Variants in LRRC4C observed in about 807,000 individuals in gnomAD.
LRRC4C encodes the protein leucine rich repeat containing 4C, also known as leucine-rich repeat-containing protein 4C.
LRRC4C carries 5 observed loss-of-function variants against 33.6 expected under a neutral mutation model. The observed-to-expected ratio is 0.15, with a 90% CI of 0.08 to 0.31. The LOEUF (loss-of-function observed/expected upper bound fraction) is 0.31. Ranked by LOEUF, LRRC4C falls within the 10% of genes least tolerant of loss-of-function variation. The pLI, the probability that LRRC4C is intolerant of heterozygous loss-of-function variation, is 1.00. For synonymous variants in LRRC4C, 329 were observed against 302.0 expected (o/e 1.09, Z -0.93); for missense variants, 560 against 796.7 (o/e 0.70, Z 3.58).
intron 5 of LRRC4C, among the ~76,000 whole-genome samples, chr11:40,143,369 G>C (rs1013712908): frequency 1.3e-5 from 2 of 152,036 alleles, no homozygotes; most frequent in South Asian, 4.2e-4. Context: ...AGTCCTAATG[G>C]CCAGTCATAA....
At chr11:41,410,467 A>G (rs1287037333) in intron 1 of LRRC4C, among the ~76,000 whole-genome samples, 1 of 144,568 alleles carries the variant, frequency 6.9e-6, no homozygotes, top group Non-Finnish European at 1.5e-5. Flanking sequence ...GCTGGAGTGC[A>G]GTGGCGCTAT....
chr11:41,417,696 G>T (rs1954734663), intron 1 of LRRC4C, among the ~76,000 whole-genome samples: 1 of 151,726 alleles, frequency 6.6e-6, no homozygotes, highest in African/African-American at 2.4e-5. Flanking sequence ...CCAACATCCA[G>T]CTCCCTTAAT....
chr11:40,393,396 A>T (rs956668791), intron 3 of LRRC4C, among the ~76,000 whole-genome samples: 2 of 152,188 alleles, frequency 1.3e-5, no homozygotes, highest in Non-Finnish European at 2.9e-5. Flanking sequence ...GAGACCCTGA[A>T]GATTTATGAG....
chr11:40,853,744 G>A lies in LRRC4C; in HGVS notation c.-407+79891C>T, dbSNP rs1406045706. On this transcript the variant is annotated intron_variant, in intron 2 of 6. Transcript: ENST00000528697. ...GGCAATGATTAGAGGACTGAACAGG[G>A]TGAACTGTGTTATGGAGGGAAGGAA... is the stretch of plus-strand genomic sequence containing the variant. Among the ~76,000 whole-genome samples the A allele has an allele frequency of 2.0e-5, 3 of 152,124 alleles. No individual in the cohort carries two copies. The East Asian group carries it at 5.8e-4, about 29-fold the overall frequency.
intron 2 of LRRC4C, among the ~76,000 whole-genome samples, chr11:40,771,917 G>A (rs1949772329): frequency 6.6e-6 from 1 of 152,098 alleles, no homozygotes; most frequent in African/African-American, 2.4e-5. Context: ...TAAGTCCAAA[G>A]GGAGTTCCAA....
At chr11:40,903,781 G>A (rs894303412) in intron 2 of LRRC4C, among the ~76,000 whole-genome samples, 4 of 152,064 alleles carry the variant, frequency 2.6e-5, no homozygotes, top group Non-Finnish European at 5.9e-5. Flanking sequence ...TAATTTAGTT[G>A]TATCTTTTAA....
Position 41,160,917 on chromosome 11 carries a change from C to G in LRRC4C, c.-495-227194G>C, listed in dbSNP as rs186112361. On this transcript the variant is annotated intron_variant, in intron 1 of 6. Coordinates refer to ENST00000528697, the MANE Select transcript of LRRC4C (RefSeq NM_001258419.2). ...TGTTTTCTTTTTCAGAAAGAATCAA[C>G]ACAATCCACTAATTGAGATAAAAGA... is the stretch of plus-strand genomic sequence containing the variant. Among the ~76,000 whole-genome samples, 504 of 152,226 alleles carry G rather than the reference C, an allele frequency of 3.3e-3. 1 individual carries two copies. Among genetic ancestry groups the G allele is most frequent in the Non-Finnish European group, 5.4e-3 (366 of 67,992 alleles).
intron 1 of LRRC4C, among the ~76,000 whole-genome samples, chr11:41,125,101 C>T (rs1942671728): frequency 1.3e-5 from 2 of 152,078 alleles, no homozygotes. Context: ...TATAGCCCCA[C>T]CCAGAATTGC....
chr11:40,955,997 T>C (rs1958938264), intron 1 of LRRC4C, among the ~76,000 whole-genome samples: 1 of 151,838 alleles, frequency 6.6e-6, no homozygotes, highest in Non-Finnish European at 1.5e-5. Flanking sequence ...CAAGGTCATA[T>C]TGACAGAGCC....
intron 2 of LRRC4C, among the ~76,000 whole-genome samples, chr11:40,895,160 T>C (rs895996134): frequency 6.6e-6 from 1 of 152,114 alleles, no homozygotes; most frequent in Non-Finnish European, 1.5e-5. Flanking sequence ...TTGACAGAAA[T>C]GCTAGAAATG....
chr11:41,210,799 C>T (rs1275630005), intron 1 of LRRC4C, among the ~76,000 whole-genome samples: 1 of 152,092 alleles, frequency 6.6e-6, no homozygotes, highest in African/African-American at 2.4e-5. Context: ...ATCAGCAGTC[C>T]CCAATCTTTT....
chr11:41,108,742 A>G (rs1387084919), intron 1 of LRRC4C, among the ~76,000 whole-genome samples: 1 of 152,140 alleles, frequency 6.6e-6, no homozygotes. Flanking sequence ...AAAGATTCTA[A>G]TTATTTCCAC....
intron 3 of LRRC4C, among the ~76,000 whole-genome samples, chr11:40,475,197 C>G (rs965869641): frequency 1.3e-5 from 2 of 152,122 alleles, no homozygotes; most frequent in Non-Finnish European, 2.9e-5. Context: ...GACTTGGAAC[C>G]AACCCAAATG....
intron 3 of LRRC4C, among the ~76,000 whole-genome samples, chr11:40,464,646 A>C (rs750641788): frequency 2.7e-4 from 41 of 152,116 alleles, no homozygotes; most frequent in Non-Finnish European, 4.9e-4. Context: ...TACAAAATTA[A>C]CATACAAAAT....
intron 2 of LRRC4C, among the ~76,000 whole-genome samples, chr11:40,883,884 C>T (rs1955303555): frequency 7.6e-6 from 1 of 130,722 alleles, no homozygotes; most frequent in African/African-American, 2.8e-5. Context: ...ATGTGTGAAC[C>T]ATAAGCTAGT....
chr11:41,218,763 A>ATTTTT (rs1184491274), intron 1 of LRRC4C, among the ~76,000 whole-genome samples: 27 of 108,904 alleles, frequency 2.5e-4, no homozygotes, highest in African/African-American at 4.7e-4. Flanking sequence ...TGCATATGTC[A>ATTTTT]TTTTTTTTTT....
chr11:40,382,683 C>CTTTTTTTTTTTTTT (rs1590541837), intron 3 of LRRC4C, among the ~76,000 whole-genome samples: 4 of 113,336 alleles, frequency 3.5e-5, no homozygotes, highest in African/African-American at 1.5e-4. Flanking sequence ...AACTTGTACT[C>CTTTTTTTTTTTTTT]ATTTTTTTTT....
chr11:40,834,903 GACAGACAGACACACACACACACAC>G (rs1334618993), intron 2 of LRRC4C, among the ~76,000 whole-genome samples: 3,254 of 39,156 alleles, frequency 0.083, 127 homozygotes, highest in African/African-American at 0.14. Flanking sequence ...CAGACAGACA[GACAGACAGACACACACACACACAC>G]ACACACACAC....
At chr11:41,353,226 GA>G (rs1952044636) in intron 1 of LRRC4C, among the ~76,000 whole-genome samples, 1 of 151,880 alleles carries the variant, frequency 6.6e-6, no homozygotes, top group Admixed American at 6.6e-5. Context: ...AAAATCCTGA[GA>G]TTATTATGAA....
Sources: allele counts gnomAD v4.1 joint callset (sites outside exome capture counted in the v4.1 genomes callset), GRCh38; gene constraint gnomAD v4.1.1; transcripts MANE v1.5; gene names NCBI Gene and HGNC (gene_info 2026-07-23, HGNC 2026-07-21).